SAMMSON: variants seen among roughly 807,000 people sequenced by gnomAD.
The protein encoded by SAMMSON is long intergenic non-protein coding RNA 1212.
intron 3 of SAMMSON, among the ~76,000 whole-genome samples, chr3:70,058,340 AG>A (rs1158536844): frequency 6.6e-6 from 1 of 151,978 alleles, no homozygotes; most frequent in African/African-American, 2.4e-5. Context: ...TGCAGTTAAA[AG>A]TTTGTCTTAG....
chr3:70,215,484 T>C (rs1335561415), intron 4 of SAMMSON, among the ~76,000 whole-genome samples: 1 of 152,076 alleles, frequency 6.6e-6, no homozygotes, highest in East Asian at 1.9e-4. Context: ...AAACCTAGAA[T>C]TCCTATTTGA....
At chr3:70,252,575 C>G (rs895888791) in intron 6 of SAMMSON, among the ~76,000 whole-genome samples, 2 of 152,106 alleles carry the variant, frequency 1.3e-5, no homozygotes, top group African/African-American at 4.8e-5. Flanking sequence ...TAAAGTGGGC[C>G]AGATAACAGG....
intron 9 of SAMMSON, among the ~76,000 whole-genome samples, chr3:70,377,696 T>C (rs805475): frequency 0.54 from 82,059 of 151,820 alleles, 22,388 homozygotes; most frequent in East Asian, 0.57. Context: ...ACATGACAAA[T>C]GATAGGCTGC....
chr3:70,193,966 C>T (rs1048336814), intron 4 of SAMMSON, among the ~76,000 whole-genome samples: 3 of 152,174 alleles, frequency 2.0e-5, no homozygotes, highest in Admixed American at 6.5e-5. Context: ...AAGCGACTTT[C>T]GCTCTATTAA....
intron 4 of SAMMSON, among the ~76,000 whole-genome samples, chr3:70,106,506 A>ATT (rs10715914): frequency 2.8e-5 from 4 of 144,784 alleles, no homozygotes; most frequent in East Asian, 2.0e-4. Flanking sequence ...ATGCCTGGCT[A>ATT]TTTTTTTTTT....
At chr3:70,372,952 GT>G (rs962459007) in intron 9 of SAMMSON, among the ~76,000 whole-genome samples, 9 of 151,924 alleles carry the variant, frequency 5.9e-5, no homozygotes, top group African/African-American at 2.2e-4. Context: ...GTTTATAATT[GT>G]TTTAAAATCT....
chr3:70,019,952 A>G (rs1331589746), intron 3 of SAMMSON, among the ~76,000 whole-genome samples: 1 of 152,154 alleles, frequency 6.6e-6, no homozygotes, highest in African/African-American at 2.4e-5. Flanking sequence ...AGTTCCCTGA[A>G]TCCTCTCTGT....
chr3:70,184,927 C>T (rs775564146), intron 4 of SAMMSON, among the ~76,000 whole-genome samples: 12 of 152,200 alleles, frequency 7.9e-5, no homozygotes, highest in Non-Finnish European at 1.8e-4. Flanking sequence ...TAAGACAGCG[C>T]TATCTCCACC....
intron 4 of SAMMSON, among the ~76,000 whole-genome samples, chr3:70,158,304 A>G (rs966928128): frequency 1.3e-5 from 2 of 152,072 alleles, no homozygotes; most frequent in African/African-American, 2.4e-5. Context: ...GAATCATACA[A>G]TATATGGTAT....
chr3:70,091,873 TA>T (rs35014578), intron 4 of SAMMSON, among the ~76,000 whole-genome samples: 4,610 of 152,266 alleles, frequency 0.03, 218 homozygotes, highest in African/African-American at 0.097. Flanking sequence ...AATAATATTA[TA>T]ATCTCAAATA....
chr3:70,061,466 C>A (rs1192734214), intron 3 of SAMMSON, among the ~76,000 whole-genome samples: 1 of 152,046 alleles, frequency 6.6e-6, no homozygotes, highest in Non-Finnish European at 1.5e-5. Flanking sequence ...ATATAAAAAC[C>A]CATCTTTTCT....
intron 4 of SAMMSON, among the ~76,000 whole-genome samples, chr3:70,215,535 C>T (rs1228621062): frequency 1.3e-5 from 2 of 152,020 alleles, no homozygotes; most frequent in African/African-American, 4.8e-5. Context: ...CCTCAAAGCC[C>T]ACTATAAGAA....
intron 4 of SAMMSON, among the ~76,000 whole-genome samples, chr3:70,078,274 TGTCACCAGTTAGATAGCAAAAA>T (rs1170027826): frequency 3.9e-5 from 6 of 152,198 alleles, no homozygotes; most frequent in African/African-American, 1.4e-4. Context: ...TTTCTTCCAG[TGTCACCAGTTAGATAGCAAAAA>T]TCTGTAATTC....
At chr3:70,151,299 C>G (rs7431658) in intron 4 of SAMMSON, among the ~76,000 whole-genome samples, 85,696 of 151,796 alleles carry the variant, frequency 0.56, 25,285 homozygotes, top group Non-Finnish European at 0.63. Context: ...AGGATGGTGT[C>G]GGGGTGTTCA....
At chr3:70,421,022 A>G (rs1701307800) in intron 2 of SAMMSON, among the ~76,000 whole-genome samples, 1 of 152,284 alleles carries the variant, frequency 6.6e-6, no homozygotes, top group Non-Finnish European at 1.5e-5. Flanking sequence ...AATAATAACT[A>G]CAACTTTCAT....
At chr3:70,178,080 A>C (rs1701021570) in intron 4 of SAMMSON, among the ~76,000 whole-genome samples, 1 of 152,156 alleles carries the variant, frequency 6.6e-6, no homozygotes, top group Admixed American at 6.5e-5. Flanking sequence ...ACATGCTGGC[A>C]GGGCCATCCT....
chr3:70,331,118 C>A (rs536005364), intron 7 of SAMMSON, among the ~76,000 whole-genome samples: 23 of 152,278 alleles, frequency 1.5e-4, no homozygotes, highest in African/African-American at 5.5e-4. Flanking sequence ...AATCCTTCAA[C>A]GTATGAGCTC....
chr3:70,306,298 A>G (rs1337522109), intron 7 of SAMMSON, among the ~76,000 whole-genome samples: 1 of 152,124 alleles, frequency 6.6e-6, no homozygotes, highest in Non-Finnish European at 1.5e-5. Context: ...TTTTTAGTAA[A>G]GACGGGGTTT....
chr3:70,153,527 A>T (rs1448441282), intron 4 of SAMMSON, among the ~76,000 whole-genome samples: 1 of 152,130 alleles, frequency 6.6e-6, no homozygotes, highest in East Asian at 1.9e-4. Context: ...AATTATTGAA[A>T]TGTGGCCTTC....
Sources: allele counts gnomAD v4.1 joint callset (sites outside exome capture counted in the v4.1 genomes callset), GRCh38; gene constraint gnomAD v4.1.1; transcripts MANE v1.5; gene names NCBI Gene and HGNC (gene_info 2026-07-23, HGNC 2026-07-21).